The following TMEM19 variants were observed in gnomAD, a reference collection of about 807,000 sequenced individuals.
The protein encoded by TMEM19 is transmembrane protein 19.
A neutral mutation model predicts 33.6 loss-of-function variants in TMEM19; 21 were observed. The observed-to-expected ratio is 0.62, with a 90% CI of 0.44 to 0.90. The LOEUF is 0.90. Ranked by LOEUF, TMEM19 falls within the 40% of genes least tolerant of loss-of-function variation. The pLI is 0.00. For missense variants in TMEM19, 402 were observed against 401.8 expected (o/e 1.00, Z 0.00); for synonymous variants, 149 against 147.5 (o/e 1.01, Z -0.07).
intron 5 of TMEM19, among the ~76,000 whole-genome samples, chr12:71,700,432 C>T (rs560153351): frequency 1.1e-4 from 17 of 152,218 alleles, no homozygotes; most frequent in South Asian, 2.1e-4. Flanking sequence ...CTCCCAAGGA[C>T]GTCATAGATC....
chr12:71,689,913 C>T (rs529520100), intron 2 of TMEM19, among the ~76,000 whole-genome samples: 2 of 152,258 alleles, frequency 1.3e-5, no homozygotes, highest in East Asian at 3.9e-4. Flanking sequence ...ACAAATTAAA[C>T]TCTGTGATTG....
rs190523801 is a variant in TMEM19 at position 71,692,960 on chromosome 12, C to A, written c.244+3256C>A. On this transcript the variant is annotated intron_variant, in intron 2 of 5. Coordinates refer to ENST00000266673, the MANE Select transcript of TMEM19 (RefSeq NM_018279.4). ...CTGTAATCCCAAAACTTAGGGAGGCCAAAGCAGGCAGATCACTTGAGCCCA... is the reference window on the plus strand; with the variant it reads ...CTGTAATCCCAAAACTTAGGGAGGCAAAAGCAGGCAGATCACTTGAGCCCA... Among the ~76,000 whole-genome samples, 233 of 151,434 alleles carry A rather than the reference C, an allele frequency of 1.5e-3. 2 individuals are homozygous for A. The highest frequency in any genetic ancestry group is 7.3e-3 in the South Asian group (35 of 4,796).
Position 71,703,396 on chromosome 12 carries a change from T to G in TMEM19, c.*2401T>G, listed in dbSNP as rs1882019194. On this transcript the variant is annotated 3_prime_UTR_variant, in exon 6 of 6. Coordinates refer to ENST00000266673, the MANE Select transcript of TMEM19 (RefSeq NM_018279.4). ...AATGACACAGTGTCTTACAGCTACATCATTTATAAAATCATGTGTCAGTTT... is the reference window on the plus strand; with the variant it reads ...AATGACACAGTGTCTTACAGCTACAGCATTTATAAAATCATGTGTCAGTTT... 6.6e-6 allele frequency: 1 copy of G among 152,070 alleles called. No individual in the cohort carries two copies. The highest frequency in any genetic ancestry group is 6.6e-5 in the Admixed American group (1 of 15,256). 9.4% of individuals were successfully genotyped at this position (152,070 alleles called of 1,614,324 possible).
At position 71,701,047 on chromosome 12, in the gene TMEM19, A is replaced by G. The variant is rs1165592970; in HGVS notation, c.*52A>G. On this transcript the variant is annotated 3_prime_UTR_variant, in exon 6 of 6. Transcript: ENST00000266673. ...ACTGGTGAGTCCAGCTAAATTTGCA[A>G]TTCCAACTTTCATCCTAAGAATAAT... The G allele has an allele frequency of 2.7e-6, 4 of 1,474,768 alleles. No homozygotes were observed. The highest frequency in any genetic ancestry group is 1.4e-5 in the African/African-American group (1 of 70,824). The allele number at this position is 1,474,768 out of a possible 1,614,324, so 91.4% of individuals were successfully genotyped here. A position where few individuals can be genotyped will look rare whatever the true frequency, so the allele number is the denominator to read the frequency against.
At chr12:71,688,853 T>C (rs1337548472) in intron 1 of TMEM19, among the ~76,000 whole-genome samples, 2 of 152,304 alleles carry the variant, frequency 1.3e-5, no homozygotes, top group African/African-American at 4.8e-5. Context: ...GCCTCTGGAA[T>C]AATCAATTTC....
Position 71,686,308 on chromosome 12 carries a change from G to A in TMEM19, c.-373G>A, listed in dbSNP as rs1345180672. 1.6e-5 allele frequency: 4 copies of A among 249,522 alleles called. No homozygotes were observed. The highest frequency in any genetic ancestry group is 9.5e-5 in the African/African-American group (4 of 42,038). 15.5% of individuals were successfully genotyped at this position (249,522 alleles called of 1,614,324 possible). A position where few individuals can be genotyped will look rare whatever the true frequency, so the allele number is the denominator to read the frequency against. On this transcript the variant is annotated 5_prime_UTR_variant, in exon 1 of 6. Coordinates refer to ENST00000266673, the MANE Select transcript of TMEM19 (RefSeq NM_018279.4). ...GCCTACCCGGCCCGCGGGTGAGAAG[G>A]TTGCGACGGGAGGTGGGTGGAACTC...
Position 71,703,881 on chromosome 12 carries a change from C to CTT in TMEM19, c.*2900_*2901dup, listed in dbSNP as rs58258956. On this transcript the variant is annotated 3_prime_UTR_variant, in exon 6 of 6. Transcript: ENST00000266673. ...GAGGATAAGAAATTGTGTCTCTGTC[C>CTT]TTTTTTTTTTTTTTTGTTAAGTCTT... The CTT allele has an allele frequency of 8.4e-4, 173 of 205,158 alleles. No homozygotes were observed. Among genetic ancestry groups the CTT allele is most frequent in the African/African-American group, 1.8e-3 (69 of 38,812 alleles). 12.7% of individuals were successfully genotyped at this position (205,158 alleles called of 1,614,324 possible). A position where few individuals can be genotyped will look rare whatever the true frequency, so the allele number is the denominator to read the frequency against.
At chr12:71,699,757 G>C (rs1881943930) in intron 5 of TMEM19, 1 of 153,530 alleles carries the variant, frequency 6.5e-6, no homozygotes, top group African/African-American at 2.4e-5. Context: ...GGCTGAGGCA[G>C]GAGAATTGCA....
intron 1 of TMEM19, 24 bp from the exon 2 acceptor site, chr12:71,689,567 T>C: frequency 6.3e-7 from 1 of 1,590,496 alleles, no homozygotes; most frequent in Non-Finnish European, 8.6e-7. Flanking sequence ...ACACAATTTG[T>C]GCTCCACCTT....
At position 71,700,724 on chromosome 12, in the gene TMEM19, C is replaced by T. The variant is rs1436163985; in HGVS notation, c.848-108C>T. The T allele has an allele frequency of 6.4e-6, 7 of 1,101,994 alleles. No individual in the cohort carries two copies. The South Asian group carries it at 1.5e-4, about 24-fold the overall frequency. The allele number at this position is 1,101,994 out of a possible 1,614,324, so 68.3% of individuals were successfully genotyped here. A position where few individuals can be genotyped will look rare whatever the true frequency, so the allele number is the denominator to read the frequency against. On this transcript the variant is annotated intron_variant, in intron 5 of 5. Transcript: ENST00000266673. ...TTTGTTCTTTTTTTAAAATCAAGTA[C>T]ATGTACCCTAGAACTTAAAGTATAA... is the stretch of plus-strand genomic sequence containing the variant.
chr12:71,694,238 A>C (rs1201130684), intron 2 of TMEM19, among the ~76,000 whole-genome samples: 1 of 152,206 alleles, frequency 6.6e-6, no homozygotes, highest in African/African-American at 2.4e-5. Context: ...GAGAGCGAGC[A>C]TTGCCAGAAT....
Position 71,686,622 on chromosome 12 carries a change from G to T in TMEM19, c.-59G>T, listed in dbSNP as rs1592617140. 1 of 1,587,810 alleles carries T rather than the reference G, an allele frequency of 6.3e-7. No individual in the cohort carries two copies. The highest frequency in any genetic ancestry group is 1.1e-5 in the South Asian group (1 of 89,130). On this transcript the variant is annotated 5_prime_UTR_variant, in exon 1 of 6. The change abolishes an upstream ATG in the 5' untranslated region. Transcript: ENST00000266673. ...CAAGTGTCTTGCTCACATCGTAAAT[G>T]ACTTTCTCTCCGAAACGCTAAATAT...
chr12:71,696,466 C>A lies in TMEM19; in HGVS notation c.275C>A (p.Ala92Glu). 6.2e-7 allele frequency: 1 copy of A among 1,611,934 alleles called. No individual in the cohort carries two copies. The highest frequency in any genetic ancestry group is 8.5e-7 in the Non-Finnish European group (1 of 1,178,924). Residue 92 changes from alanine to glutamate, a missense_variant, in exon 3 of 6, where the codon GCA becomes GAA. Ala to Glu is a moderately radical substitution (Grantham distance 107). Transcript: ENST00000266673. The part of the protein sequence containing the change: ...GLVVGFILTI[A>E]NFSFFTSLLM... ...GTCGTTGGATTTATCCTAACCATTG[C>A]AAATTTCAGCTTTTTTACCTCTTTG...
chr12:71,700,890 A>G lies in TMEM19; in HGVS notation c.906A>G (p.Ile302Met), dbSNP rs750503174. 143 of 1,613,672 alleles carry G rather than the reference A, an allele frequency of 8.9e-5. 2 individuals carry two copies. In the South Asian group the frequency reaches 1.5e-3, roughly 17 times the overall value. ...VNSPTNKARHIAGKPILDNNA... is the reference protein window; with the variant it reads ...VNSPTNKARHMAGKPILDNNA... ...GCCCAACAAATAAGGCAAGGCACAT[A>G]GCAGGGAAACCCATTCTTGATAACA... The change falls in exon 6 of 6, where the codon ATA becomes ATG. Residue 302 changes from isoleucine to methionine, a missense_variant. Physicochemically the swap from Ile to Met is conservative, Grantham distance 10 (BLOSUM62 1). Transcript: ENST00000266673.
chr12:71,698,614 AGAGAGAGAGAG>A lies in TMEM19; in HGVS notation c.638-285_638-275del, dbSNP rs1399881032. The stretch of plus-strand genomic sequence containing the variant: ...CAAAACCTTGTCTCTGAAAAGAGAG[AGAGAGAGAGAG>A]AGAGAGAGAGAGAGAGAGAGAGAGA... On this transcript the variant is annotated intron_variant, in intron 4 of 5. Coordinates refer to ENST00000266673, the MANE Select transcript of TMEM19 (RefSeq NM_018279.4). 2.0e-3 allele frequency among the ~76,000 whole-genome samples: 9 copies of A among 4,462 alleles called. No individual in the cohort carries two copies. In the African/African-American group the frequency reaches 0.028, roughly 14 times the overall value. The allele number at this position is 4,462 out of a possible 152,430, so 2.9% of individuals were successfully genotyped here. A position where few individuals can be genotyped will look rare whatever the true frequency, so the allele number is the denominator to read the frequency against.
chr12:71,686,738 G>T lies in TMEM19; in HGVS notation c.58G>T (p.Val20Phe). ...KRYIKMITNIVILSLIICISL... is the reference protein window; with the variant it reads ...KRYIKMITNIFILSLIICISL... ...ATATATAAAGATGATAACTAATATA[G>T]TTATACTGAGCCTGATCATTTGCAT... Residue 20 changes from valine to phenylalanine, a missense_variant, in exon 1 of 6, where the codon GTT (valine) becomes TTT (phenylalanine). Val to Phe is a conservative substitution (Grantham distance 50). Transcript: ENST00000266673. 6.2e-7 allele frequency: 1 copy of T among 1,612,712 alleles called. No individual in the cohort carries two copies.
Position 71,700,829 on chromosome 12 carries a change from C to T in TMEM19, c.848-3C>T. 6.4e-7 allele frequency: 1 copy of T among 1,565,562 alleles called. No individual in the cohort carries two copies. Among genetic ancestry groups the T allele is most frequent in the Non-Finnish European group, 8.6e-7 (1 of 1,157,340 alleles). On this transcript the variant is annotated splice_polypyrimidine_tract_variant and splice_region_variant and intron_variant, in intron 5 of 5. Coordinates refer to ENST00000266673, the MANE Select transcript of TMEM19 (RefSeq NM_018279.4). ...ATCTCACTTGCTTCTTTTTCCATTC[C>T]AGGGTTGGATGAAAGCACTGGCATG...
At chr12:71,693,562 C>T (rs552227918) in intron 2 of TMEM19, among the ~76,000 whole-genome samples, 3 of 152,086 alleles carry the variant, frequency 2.0e-5, no homozygotes, top group African/African-American at 7.2e-5. Context: ...AAGTGTTATC[C>T]ATGTAAAATG....
intron 2 of TMEM19, among the ~76,000 whole-genome samples, chr12:71,694,418 T>C (rs1176776775): frequency 6.6e-6 from 1 of 152,222 alleles, no homozygotes; most frequent in Non-Finnish European, 1.5e-5. Context: ...CTTTCTGAAG[T>C]AGAAGCCTCA....
Sources: allele counts gnomAD v4.1 joint callset (sites outside exome capture counted in the v4.1 genomes callset), GRCh38; gene constraint gnomAD v4.1.1; transcripts MANE v1.5; gene names NCBI Gene and HGNC (gene_info 2026-07-23, HGNC 2026-07-21).